TMEM181: variants seen among roughly 807,000 people sequenced by gnomAD.
TMEM181 encodes the protein transmembrane protein 181, also known as G protein-coupled receptor 178.
In TMEM181, 39 loss-of-function variants were observed where a neutral mutation model predicts 71.9. The observed-to-expected ratio is 0.54, with a 90% CI of 0.42 to 0.71. TMEM181 has a LOEUF of 0.71. TMEM181 is among the 30% of genes least tolerant of loss of function. The pLI is 0.00. For synonymous variants in TMEM181, 245 were observed against 228.8 expected, an observed-to-expected ratio of 1.07 and a Z score of -0.64; for missense variants, 595 against 583.0, an observed-to-expected ratio of 1.02 and a Z score of -0.21.
intron 5 of TMEM181, among the ~76,000 whole-genome samples, chr6:158,586,924 G>A (rs1022233007): frequency 6.6e-6 from 1 of 152,124 alleles, no homozygotes; most frequent in Non-Finnish European, 1.5e-5. Flanking sequence ...GCCTGTGTGC[G>A]GGAGGGGTGC....
rs1050041894 is a variant in TMEM181, at chr6:158,571,275, T to G, written c.9-2145T>G. Among the ~76,000 whole-genome samples, 3 of 148,270 alleles carry G rather than the reference T, an allele frequency of 2.0e-5. No homozygotes were observed. The East Asian group carries it at 6.2e-4, about 31-fold the overall frequency. Reference sequence around the variant, plus strand: ...CCGCGCCCGGCTAATTTTTTGTGTTTTTTAGTAAAGACGGGGTTTCACCGT... The same window carrying G: ...CCGCGCCCGGCTAATTTTTTGTGTTGTTTAGTAAAGACGGGGTTTCACCGT... On this transcript the variant is annotated intron_variant, in intron 1 of 16. Transcript: ENST00000684151.
chr6:158,586,928 G>C (rs1783806915), intron 5 of TMEM181, among the ~76,000 whole-genome samples: 1 of 152,182 alleles, frequency 6.6e-6, no homozygotes, highest in African/African-American at 2.4e-5. Context: ...GTGTGCGGGA[G>C]GGGTGCGATC....
rs530359777 is a variant in TMEM181, at chr6:158,565,133, G to A, written c.8+4901G>A. On this transcript the variant is annotated intron_variant, in intron 1 of 16. Coordinates refer to ENST00000684151, the MANE Select transcript of TMEM181 (RefSeq NM_001376852.1). ...CTTCCCTCACATCTCTGTCCCTCTC[G>A]CTGCAGGACAGCAATTTGAGGTGTT... Among the ~76,000 whole-genome samples, 3 of 152,314 alleles carry A rather than the reference G, an allele frequency of 2.0e-5. No individual in the cohort carries two copies. The South Asian group carries it at 6.2e-4, about 32-fold the overall frequency.
At chr6:158,544,629 T>C (rs9364972) in intron 1 of TMEM181, among the ~76,000 whole-genome samples, 91,976 of 151,988 alleles carry the variant, frequency 0.61, 28,013 homozygotes, top group South Asian at 0.67. Flanking sequence ...ACCCCTGAGC[T>C]CTTGCGCTCT....
intron 5 of TMEM181, among the ~76,000 whole-genome samples, chr6:158,587,258 G>A (rs1351582187): frequency 1.3e-5 from 2 of 152,188 alleles, no homozygotes; most frequent in South Asian, 2.1e-4. Flanking sequence ...GGTCTGCACT[G>A]TTCCTTCTTG....
chr6:158,572,495 A>C (rs550715842), intron 1 of TMEM181: 1 of 456,578 alleles, frequency 2.2e-6, no homozygotes, highest in South Asian at 1.5e-5. Flanking sequence ...CTCAGGGCAC[A>C]GGGCGGGGGC....
chr6:158,618,202 T>C (rs910080936), intron 10 of TMEM181, among the ~76,000 whole-genome samples: 1 of 152,250 alleles, frequency 6.6e-6, no homozygotes, highest in African/African-American at 2.4e-5. Context: ...TTAGCTCTTC[T>C]TGTTGCATTG....
At chr6:158,616,690 A>C (rs1482011171) in intron 10 of TMEM181, among the ~76,000 whole-genome samples, 2 of 152,176 alleles carry the variant, frequency 1.3e-5, no homozygotes, top group African/African-American at 4.8e-5. Flanking sequence ...AGTTTTTAGC[A>C]TGAAGCGCTG....
intron 1 of TMEM181, among the ~76,000 whole-genome samples, chr6:158,540,156 T>C (rs1364692064): frequency 6.6e-6 from 1 of 152,228 alleles, no homozygotes; most frequent in Admixed American, 6.5e-5. Context: ...TTTCTATGGC[T>C]GTCTCTAAAA....
At chr6:158,565,387 A>T (rs565835564) in intron 1 of TMEM181, among the ~76,000 whole-genome samples, 1 of 152,286 alleles carries the variant, frequency 6.6e-6, no homozygotes, top group East Asian at 1.9e-4. Flanking sequence ...ATGGCTTTAC[A>T]GCTGGCCAGG....
chr6:158,603,198 T>G (rs909593934), intron 6 of TMEM181, among the ~76,000 whole-genome samples: 11 of 152,194 alleles, frequency 7.2e-5, no homozygotes, highest in African/African-American at 2.7e-4. Flanking sequence ...AACCCCAAAT[T>G]AGGCCAGTAG....
chr6:158,545,715 A>G (rs1781506791), intron 1 of TMEM181, among the ~76,000 whole-genome samples: 2 of 150,430 alleles, frequency 1.3e-5, no homozygotes, highest in Admixed American at 6.6e-5. Flanking sequence ...GGGTCTCACT[A>G]CGTTGCCCAG....
At chr6:158,555,101 T>G (rs1320637875), upstream of TMEM181, among the ~76,000 whole-genome samples, 3 of 152,218 alleles carry the variant, frequency 2.0e-5, no homozygotes, top group Non-Finnish European at 4.4e-5. Context: ...TAGTAACAAA[T>G]GTATCTTTTG....
Position 158,619,597 on chromosome 6 carries a change from G to A in TMEM181, c.897-3953G>A, listed in dbSNP as rs145049921. 3.3e-3 allele frequency among the ~76,000 whole-genome samples: 508 copies of A among 152,202 alleles called. 2 individuals are homozygous for A. The highest frequency in any genetic ancestry group is 5.6e-3 in the Non-Finnish European group (381 of 68,002). ...TGTAAGAGAAGGATGTTGGCCAGGCGCGGTGGCTCACGCCTATAATCCCAG... is the reference window on the plus strand; with the variant it reads ...TGTAAGAGAAGGATGTTGGCCAGGCACGGTGGCTCACGCCTATAATCCCAG... On this transcript the variant is annotated intron_variant, in intron 10 of 16. Transcript: ENST00000684151.
intron 5 of TMEM181, among the ~76,000 whole-genome samples, chr6:158,588,987 T>C (rs992433270): frequency 7.2e-5 from 11 of 152,156 alleles, no homozygotes; most frequent in Non-Finnish European, 1.5e-4. Context: ...GGTGCACCTC[T>C]GTATCCCTGC....
intron 10 of TMEM181, chr6:158,611,024 A>G (rs947195445): frequency 2.2e-6 from 1 of 451,318 alleles, no homozygotes; most frequent in Non-Finnish European, 4.4e-6. Flanking sequence ...CCCTATCTTT[A>G]TGCTTTCGGA....
intron 1 of TMEM181, chr6:158,537,000 A>T: frequency 4.2e-5 from 11 of 263,290 alleles, no homozygotes; most frequent in Non-Finnish European, 6.3e-5. Context: ...GAGCCTACGG[A>T]TGGGGACGGG....
At chr6:158,616,897 T>C (rs564324165) in intron 10 of TMEM181, among the ~76,000 whole-genome samples, 2 of 152,362 alleles carry the variant, frequency 1.3e-5, no homozygotes, top group South Asian at 2.1e-4. Flanking sequence ...CAGTATTTTA[T>C]TGAGGATTTT....
At chr6:158,613,697 A>G (rs1464799950) in intron 10 of TMEM181, among the ~76,000 whole-genome samples, 1 of 152,240 alleles carries the variant, frequency 6.6e-6, no homozygotes, top group Admixed American at 6.5e-5. Context: ...CAGAATAACC[A>G]GTTTCTCCAA....
Sources: gnomAD v4.1 joint callset for allele counts (sites outside exome capture counted in the v4.1 genomes callset) on GRCh38, gnomAD v4.1.1 for gene constraint, MANE v1.5 for transcripts, NCBI Gene and HGNC (gene_info 2026-07-23, HGNC 2026-07-21) for gene names.